Variants in RETREG1 observed in about 807,000 individuals in gnomAD.
RETREG1 encodes reticulophagy regulator 1, also known as family with sequence similarity 134 member B.
In RETREG1, 44 loss-of-function variants were observed where a neutral mutation model predicts 54.8. The ratio of observed to expected loss-of-function variants is 0.80; its 90% CI spans 0.63 to 1.03. The LOEUF is 1.03. Among genes scored for constraint, RETREG1 ranks in the 50% least tolerant of loss-of-function variants. The pLI, the probability that RETREG1 is intolerant of heterozygous loss-of-function variation, is 0.00. For missense variants in RETREG1, 554 were observed against 605.1 expected, an observed-to-expected ratio of 0.92 and a Z score of 0.89; for synonymous variants, 217 against 238.5, an observed-to-expected ratio of 0.91 and a Z score of 0.83.
chr5:16,612,446 C>T lies in RETREG1; in HGVS notation c.320+4206G>A, dbSNP rs117901564. Among the ~76,000 whole-genome samples the T allele has an allele frequency of 2.3e-4, 35 of 152,234 alleles. No individual in the cohort carries two copies. The East Asian group carries it at 4.8e-3, about 21-fold the overall frequency. On this transcript the variant is annotated intron_variant, in intron 1 of 8. Transcript: ENST00000306320. The stretch of plus-strand genomic sequence containing the variant: ...AGGAAACTGCGTAGACAGGGACAGG[C>T]GTGGGAAGACATCAAAATGTTTACC...
At chr5:16,614,768 G>A (rs577685229) in intron 1 of RETREG1, among the ~76,000 whole-genome samples, 3 of 152,256 alleles carry the variant, frequency 2.0e-5, no homozygotes, top group Non-Finnish European at 2.9e-5. Context: ...TACTGCCTCA[G>A]TAGGAGACAG....
At chr5:16,544,801 C>T (rs1250248105) in intron 3 of RETREG1, among the ~76,000 whole-genome samples, 1 of 152,094 alleles carries the variant, frequency 6.6e-6, no homozygotes, top group South Asian at 2.1e-4. Context: ...TCTTGATGAC[C>T]ACAGCTTTAT....
rs577129035 is a variant in RETREG1, at chr5:16,529,831, C to T, written c.458+35932G>A. ...GTGCCCTTTTGGTACATAAGTACCA[C>T]GCTCAGGCTTTCCCATTTGGGTTCA... On this transcript the variant is annotated intron_variant, in intron 3 of 8. Coordinates refer to ENST00000306320, the MANE Select transcript of RETREG1 (RefSeq NM_001034850.3). 4.6e-5 allele frequency among the ~76,000 whole-genome samples: 7 copies of T among 152,300 alleles called. No homozygotes were observed. The South Asian group carries it at 6.2e-4, about 14-fold the overall frequency.
intron 1 of RETREG1, among the ~76,000 whole-genome samples, chr5:16,614,505 GTT>G (rs1743436940): frequency 6.6e-6 from 1 of 152,204 alleles, no homozygotes; most frequent in Non-Finnish European, 1.5e-5. Flanking sequence ...GGATCAAAAA[GTT>G]TCATAAAATA....
intron 1 of RETREG1, among the ~76,000 whole-genome samples, chr5:16,612,734 T>C (rs917613132): frequency 1.3e-5 from 2 of 152,184 alleles, no homozygotes; most frequent in African/African-American, 4.8e-5. Context: ...ATGAATATCA[T>C]TTTTTAGCAT....
At chr5:16,591,238 AG>A (rs1742765178) in intron 1 of RETREG1, among the ~76,000 whole-genome samples, 1 of 152,200 alleles carries the variant, frequency 6.6e-6, no homozygotes, top group Non-Finnish European at 1.5e-5. Context: ...CTTCATCATT[AG>A]TGAAACCCTT....
At chr5:16,527,197 C>T (rs915493697) in intron 3 of RETREG1, among the ~76,000 whole-genome samples, 2 of 152,180 alleles carry the variant, frequency 1.3e-5, no homozygotes, top group Non-Finnish European at 2.9e-5. Flanking sequence ...GTCAAAGCAC[C>T]TAAGTCACTT....
chr5:16,596,512 G>A (rs1253019157), intron 1 of RETREG1, among the ~76,000 whole-genome samples: 1 of 152,178 alleles, frequency 6.6e-6, no homozygotes, highest in Non-Finnish European at 1.5e-5. Flanking sequence ...CAGTAGTGAC[G>A]CTCTCAACTC....
intron 1 of RETREG1, among the ~76,000 whole-genome samples, chr5:16,586,626 T>C (rs546539009): frequency 3.6e-4 from 55 of 152,352 alleles, no homozygotes; most frequent in Non-Finnish European, 1.5e-4. Context: ...TCTCAGGGCC[T>C]TTCCCATTCA....
intron 3 of RETREG1, among the ~76,000 whole-genome samples, chr5:16,494,445 C>G (rs569868804): frequency 4.9e-4 from 75 of 152,248 alleles, no homozygotes; most frequent in African/African-American, 1.6e-3. Flanking sequence ...GGGGCAGACT[C>G]TCATGAATGG....
intron 3 of RETREG1, among the ~76,000 whole-genome samples, chr5:16,489,074 TTC>T (rs1354500808): frequency 2.2e-5 from 2 of 92,516 alleles, no homozygotes; most frequent in East Asian, 7.2e-4. Context: ...CAGAGCGAGA[TTC>T]TGTCTCAAAA....
chr5:16,522,470 G>T (rs1234973914), intron 3 of RETREG1, among the ~76,000 whole-genome samples: 1 of 152,140 alleles, frequency 6.6e-6, no homozygotes, highest in Non-Finnish European at 1.5e-5. Context: ...TTCTATCGGG[G>T]TATGAGCAAA....
At chr5:16,539,192 G>A (rs1741167965) in intron 3 of RETREG1, among the ~76,000 whole-genome samples, 1 of 152,138 alleles carries the variant, frequency 6.6e-6, no homozygotes, top group Non-Finnish European at 1.5e-5. Flanking sequence ...ATCCATAAAG[G>A]GGGCCACCCG....
At chr5:16,576,519 CTT>C (rs1416085414) in intron 1 of RETREG1, among the ~76,000 whole-genome samples, 1 of 151,970 alleles carries the variant, frequency 6.6e-6, no homozygotes, top group African/African-American at 2.4e-5. Context: ...GAGTTTCGCT[CTT>C]GTTGCCCAGG....
At chr5:16,506,716 T>C (rs1298166893) in intron 3 of RETREG1, among the ~76,000 whole-genome samples, 8 of 152,204 alleles carry the variant, frequency 5.3e-5, no homozygotes, top group Admixed American at 4.6e-4. Flanking sequence ...AGCCTAGCTC[T>C]AAACTTTCTC....
chr5:16,558,960 T>C (rs1199160330), intron 3 of RETREG1, among the ~76,000 whole-genome samples: 1 of 152,214 alleles, frequency 6.6e-6, no homozygotes, highest in East Asian at 1.9e-4. Context: ...TAGATGACTT[T>C]CTACTTTTAA....
intron 3 of RETREG1, among the ~76,000 whole-genome samples, chr5:16,539,490 G>A (rs369968660): frequency 1.3e-5 from 2 of 152,082 alleles, no homozygotes; most frequent in African/African-American, 2.4e-5. Context: ...CGGTCGGAGC[G>A]AGCCAGGAGA....
At chr5:16,548,788 G>A (rs1741454961) in intron 3 of RETREG1, among the ~76,000 whole-genome samples, 1 of 152,210 alleles carries the variant, frequency 6.6e-6, no homozygotes, top group Admixed American at 6.5e-5. Context: ...CATAAATGAG[G>A]AGCCATAATC....
At chr5:16,547,589 C>T (rs1457533634) in intron 3 of RETREG1, among the ~76,000 whole-genome samples, 1 of 152,132 alleles carries the variant, frequency 6.6e-6, no homozygotes, top group Non-Finnish European at 1.5e-5. Context: ...GCTGCAGAAA[C>T]AGGCGTGAGA....
Sources: gnomAD v4.1 joint callset for allele counts (sites outside exome capture counted in the v4.1 genomes callset) on GRCh38, gnomAD v4.1.1 for gene constraint, MANE v1.5 for transcripts, NCBI Gene and HGNC (gene_info 2026-07-23, HGNC 2026-07-21) for gene names.